Variants in WDFY4 observed in about 807,000 individuals in gnomAD.
The protein encoded by WDFY4 is WDFY family member 4.
WDFY4 carries 169 observed loss-of-function variants against 351.9 expected under a neutral mutation model. That is an observed-to-expected ratio of 0.48 (90% CI 0.42 to 0.55). The LOEUF is 0.55. Among genes scored for constraint, WDFY4 ranks in the 20% least tolerant of loss-of-function variants. The pLI is 0.00. For synonymous variants in WDFY4, 1,622 were observed against 1,574.6 expected, an observed-to-expected ratio of 1.03 and a Z score of -0.71; for missense variants, 3,803 against 3,935.6, an observed-to-expected ratio of 0.97 and a Z score of 0.90.
At position 48,786,649 on chromosome 10, in the gene WDFY4, T is replaced by C; in HGVS notation, c.3587T>C (p.Ile1196Thr). The C allele has an allele frequency of 1.3e-6, 2 of 1,551,296 alleles. No homozygotes were observed. Among genetic ancestry groups the C allele is most frequent in the Non-Finnish European group, 1.7e-6 (2 of 1,146,750 alleles). ...TTTTTATTTTAACAGATGTTATACA[T>C]CCAGGCTCTACCAGGGCCTTTCCTT... ...QVIGSAKMLY[I>T]QALPGPFLSM... The change falls in exon 20 of 62, where the codon ATC becomes ACC. Residue 1196 changes from isoleucine (I) to threonine (T), a missense_variant. This residue lies in a region of WDFY4 where 3,054 missense variants were observed against 3,148.6 expected (regional missense o/e 0.97). Coordinates refer to ENST00000325239, the MANE Select transcript of WDFY4 (RefSeq NM_001394531.1).
At chr10:48,886,197 C>T (rs545539940) in intron 43 of WDFY4, among the ~76,000 whole-genome samples, 1 of 152,306 alleles carries the variant, frequency 6.6e-6, no homozygotes, top group South Asian at 2.1e-4. Flanking sequence ...GGGTATTTCA[C>T]CAAGTTGCAG....
chr10:48,814,555 AAG>A (rs1436777949), intron 31 of WDFY4, among the ~76,000 whole-genome samples: 3 of 152,164 alleles, frequency 2.0e-5, no homozygotes, highest in African/African-American at 7.2e-5. Flanking sequence ...TGGTGAGCAG[AAG>A]AGTTATTTTA....
At chr10:48,720,680 C>T (rs550515208) in intron 3 of WDFY4, among the ~76,000 whole-genome samples, 13 of 152,186 alleles carry the variant, frequency 8.5e-5, no homozygotes, top group Admixed American at 2.0e-4. Context: ...CACGGGACCA[C>T]GGTCTCTGGG....
chr10:48,974,828 G>A (rs1411828615), intron 57 of WDFY4, 34 bp from the exon 58 acceptor site: 9 of 1,491,394 alleles, frequency 6.0e-6, no homozygotes, highest in South Asian at 2.7e-5. Context: ...TGAATTGAGG[G>A]TCCCTCTCCT....
intron 39 of WDFY4, among the ~76,000 whole-genome samples, chr10:48,837,753 C>T (rs2068452864): frequency 6.6e-6 from 1 of 152,132 alleles, no homozygotes; most frequent in South Asian, 2.1e-4. Flanking sequence ...ACTTCCAGCC[C>T]TTAAAGGGGT....
chr10:48,931,694 C>G (rs186313778), intron 47 of WDFY4, among the ~76,000 whole-genome samples: 56 of 152,314 alleles, frequency 3.7e-4, no homozygotes, highest in Admixed American at 2.4e-3. Flanking sequence ...TCAGAAAATG[C>G]TGCAATGTCT....
intron 39 of WDFY4, among the ~76,000 whole-genome samples, chr10:48,834,766 C>T (rs2068323317): frequency 6.6e-6 from 1 of 152,220 alleles, no homozygotes; most frequent in Admixed American, 6.5e-5. Flanking sequence ...CATGGGAACC[C>T]TCACACCTGT....
chr10:48,831,141 G>C (rs1262891035), intron 38 of WDFY4, among the ~76,000 whole-genome samples: 1 of 152,206 alleles, frequency 6.6e-6, no homozygotes, highest in African/African-American at 2.4e-5. Context: ...TAGAGGAAGA[G>C]GCCCATGTGG....
chr10:48,694,605 T>A (rs186818616), intron 1 of WDFY4, among the ~76,000 whole-genome samples: 110 of 152,242 alleles, frequency 7.2e-4, no homozygotes, highest in African/African-American at 2.5e-3. Flanking sequence ...AGCCCCACAG[T>A]GATTCCCAGG....
At chr10:48,697,909 G>T (rs182528116) in intron 1 of WDFY4, among the ~76,000 whole-genome samples, 1 of 152,172 alleles carries the variant, frequency 6.6e-6, no homozygotes, top group South Asian at 2.1e-4. Flanking sequence ...CCTGTTTGCT[G>T]CATGTCTGCC....
chr10:48,751,997 G>A (rs116345379), intron 12 of WDFY4, among the ~76,000 whole-genome samples: 119 of 152,246 alleles, frequency 7.8e-4, no homozygotes, highest in African/African-American at 2.8e-3. Flanking sequence ...AAAGATACAG[G>A]CACTTTGGGA....
At chr10:48,729,642 A>G in intron 8 of WDFY4, 53 bp downstream of exon 8, 1 of 1,539,134 alleles carries the variant, frequency 6.5e-7, no homozygotes, top group Non-Finnish European at 8.8e-7. Context: ...GAGCCCTGAG[A>G]AGGCTACAGA....
intron 57 of WDFY4, among the ~76,000 whole-genome samples, chr10:48,970,553 G>A (rs953910438): frequency 6.6e-6 from 1 of 152,176 alleles, no homozygotes; most frequent in African/African-American, 2.4e-5. Context: ...CCTCCACAGA[G>A]GCCCACACCT....
rs928837753 is a variant in WDFY4 at position 48,811,775 on chromosome 10, C to A, written c.5214+67C>A. The A allele has an allele frequency of 4.1e-6, 6 of 1,480,242 alleles. No homozygotes were observed. The South Asian group carries it at 7.8e-5, about 19-fold the overall frequency. The allele number at this position is 1,480,242 out of a possible 1,614,324, so 91.7% of individuals were successfully genotyped here. Reference sequence around the variant, plus strand: ...CTGATTCCACATGACTAAGGCAGGTCGCCAAGACCCTCTGCACTTACCTCC... The same window carrying A: ...CTGATTCCACATGACTAAGGCAGGTAGCCAAGACCCTCTGCACTTACCTCC... On this transcript the variant is annotated intron_variant, in intron 30 of 61. Coordinates refer to ENST00000325239, the MANE Select transcript of WDFY4 (RefSeq NM_001394531.1).
intron 2 of WDFY4, 138 bp downstream of exon 2, chr10:48,710,104 T>C: frequency 2.6e-6 from 2 of 755,520 alleles, no homozygotes; most frequent in Non-Finnish European, 4.2e-6. Context: ...GTTGTCTTAG[T>C]CTGCTAGGGC....
chr10:48,790,122 G>C, intron 22 of WDFY4, 137 bp downstream of exon 22: 2 of 787,668 alleles, frequency 2.5e-6, no homozygotes, highest in South Asian at 3.1e-5. Flanking sequence ...CCAGAGTTGG[G>C]AGTGAATCCA....
intron 39 of WDFY4, among the ~76,000 whole-genome samples, chr10:48,853,665 G>A (rs2069031443): frequency 6.6e-6 from 1 of 152,200 alleles, no homozygotes; most frequent in Non-Finnish European, 1.5e-5. Flanking sequence ...ATTAGAAAAT[G>A]GAACCACATC....
At chr10:48,894,505 A>G (rs1163690728) in intron 44 of WDFY4, among the ~76,000 whole-genome samples, 1 of 152,254 alleles carries the variant, frequency 6.6e-6, no homozygotes, top group African/African-American at 2.4e-5. Flanking sequence ...CATTTATGAT[A>G]TGGGAATAAA....
intron 43 of WDFY4, among the ~76,000 whole-genome samples, chr10:48,888,730 G>C (rs190305951): frequency 6.6e-6 from 1 of 152,110 alleles, no homozygotes; most frequent in Non-Finnish European, 1.5e-5. Flanking sequence ...GGATGTCCCC[G>C]TTCCTTGAAA....
Sources: gnomAD v4.1 joint callset for allele counts (sites outside exome capture counted in the v4.1 genomes callset) on GRCh38, gnomAD v4.1.1 for gene constraint, gnomAD v4.1.1 regional missense constraint, MANE v1.5 for transcripts, NCBI Gene and HGNC (gene_info 2026-07-23, HGNC 2026-07-21) for gene names.